CMIP: variants seen among roughly 807,000 people sequenced by gnomAD.
CMIP encodes c-Maf inducing protein.
Under a neutral mutation model 97.3 loss-of-function variants are expected in CMIP, and 13 were observed. The ratio of observed to expected loss-of-function variants is 0.13; its 90% CI spans 0.09 to 0.21. The LOEUF (loss-of-function observed/expected upper bound fraction) is 0.21. Among genes scored for constraint, CMIP ranks in the 10% least tolerant of loss-of-function variants. The probability of loss-of-function intolerance (pLI) is 1.00; values close to 1 mark genes in which losing one functional copy is unlikely to be tolerated. For synonymous variants in CMIP, 538 were observed against 436.3 expected (o/e 1.23, Z -2.91); for missense variants, 847 against 1,024.9 (o/e 0.83, Z 2.37).
chr16:81,636,132 A>G (rs992138649), intron 3 of CMIP, among the ~76,000 whole-genome samples: 1 of 152,002 alleles, frequency 6.6e-6, no homozygotes, highest in Non-Finnish European at 1.5e-5. Flanking sequence ...GCACCATGAT[A>G]CAGGTGTGCG....
intron 3 of CMIP, among the ~76,000 whole-genome samples, chr16:81,625,740 G>A (rs537281876): frequency 3.9e-5 from 6 of 152,338 alleles, no homozygotes; most frequent in East Asian, 1.9e-4. Flanking sequence ...CAGGCTCCTA[G>A]AGGAGCCCCG....
chr16:81,647,620 G>A (rs1204613790), intron 3 of CMIP, among the ~76,000 whole-genome samples: 1 of 152,022 alleles, frequency 6.6e-6, no homozygotes. Flanking sequence ...CTGGCAAAGC[G>A]CACTCAGCAG....
chr16:81,541,623 A>T (rs1316978222), intron 1 of CMIP, among the ~76,000 whole-genome samples: 1 of 152,228 alleles, frequency 6.6e-6, no homozygotes, highest in East Asian at 1.9e-4. Context: ...GTGAAGAGAG[A>T]ACGGCTGTCT....
At chr16:81,524,434 G>C (rs2090088629) in intron 1 of CMIP, among the ~76,000 whole-genome samples, 1 of 152,218 alleles carries the variant, frequency 6.6e-6, no homozygotes, top group South Asian at 2.1e-4. Flanking sequence ...AGGTGACCTT[G>C]GGTGAGTTAA....
At chr16:81,594,780 ATT>A (rs570057427) in intron 1 of CMIP, among the ~76,000 whole-genome samples, 7,274 of 114,830 alleles carry the variant, frequency 0.063, 166 homozygotes, top group East Asian at 0.27. Context: ...CGCCCAGCTA[ATT>A]TTTTTTTTTT....
intron 10 of CMIP, among the ~76,000 whole-genome samples, chr16:81,681,436 T>C (rs765322909): frequency 6.6e-6 from 1 of 152,160 alleles, no homozygotes; most frequent in Non-Finnish European, 1.5e-5. Context: ...CCTTGGACGG[T>C]TGGTCATCCT....
At chr16:81,529,726 A>C (rs2925987) in intron 1 of CMIP, among the ~76,000 whole-genome samples, 114,979 of 152,028 alleles carry the variant, frequency 0.76, 43,723 homozygotes, top group African/African-American at 0.8. Context: ...GGCAGAGAGC[A>C]GCCTTGCAAT....
intron 18 of CMIP, among the ~76,000 whole-genome samples, chr16:81,704,920 CG>C: frequency 6.6e-6 from 1 of 151,524 alleles, no homozygotes; most frequent in South Asian, 2.1e-4. Flanking sequence ...AGAGCTGAGA[CG>C]TGAGCCAGGC....
chr16:81,622,092 A>G (rs145892732), intron 3 of CMIP: 1 of 152,324 alleles, frequency 6.6e-6, no homozygotes, highest in Non-Finnish European at 1.5e-5. Context: ...TAGTCTCATC[A>G]TGTCCATTTC....
At chr16:81,467,941 C>T (rs1298400923) in intron 1 of CMIP, among the ~76,000 whole-genome samples, 1 of 143,966 alleles carries the variant, frequency 6.9e-6, no homozygotes, top group South Asian at 2.2e-4. Context: ...GGCTGGAGTA[C>T]GGTGATGAAA....
At chr16:81,666,617 G>A (rs746429025) in intron 7 of CMIP, 1 of 152,064 alleles carries the variant, frequency 6.6e-6, no homozygotes, top group South Asian at 2.1e-4. Flanking sequence ...ATGAGTCCTC[G>A]CCTCACTTGT....
chr16:81,530,994 G>C (rs938204130), intron 1 of CMIP, among the ~76,000 whole-genome samples: 2 of 152,140 alleles, frequency 1.3e-5, no homozygotes, highest in Admixed American at 1.3e-4. Context: ...TTCTGGGATC[G>C]TCATTGTTAT....
rs2091925919 is a variant in CMIP at position 81,616,884 on chromosome 16, A to G, written c.427-3992A>G. Among the ~76,000 whole-genome samples, 1 of 152,188 alleles carries G rather than the reference A, an allele frequency of 6.6e-6. No individual in the cohort carries two copies. The highest frequency in any genetic ancestry group is 2.4e-5 in the African/African-American group (1 of 41,446). ...AGAGGCAGGCTACGAGGACCCAGCT[A>G]AGACTGGAGGCTCCTGCAGCTCAGC... On this transcript the variant is annotated intron_variant, in intron 2 of 20. Transcript: ENST00000537098. The surrounding 1 kb of genome is among the most constrained non-coding windows in gnomAD (Gnocchi z 4.7).
At chr16:81,450,540 C>A (rs1394711977) in intron 1 of CMIP, among the ~76,000 whole-genome samples, 1 of 152,136 alleles carries the variant, frequency 6.6e-6, no homozygotes. Context: ...ATTCCAATTC[C>A]TGTTTTGCTA....
chr16:81,628,137 G>A (rs887189367), intron 3 of CMIP, among the ~76,000 whole-genome samples: 3 of 152,148 alleles, frequency 2.0e-5, no homozygotes, highest in Admixed American at 2.0e-4. Flanking sequence ...GAAATCCTGA[G>A]GCTCTGGACC....
At chr16:81,504,232 A>T (rs559801302) in intron 1 of CMIP, among the ~76,000 whole-genome samples, 2 of 152,172 alleles carry the variant, frequency 1.3e-5, no homozygotes, top group African/African-American at 4.8e-5. Context: ...AGGCTGAGGC[A>T]GGAGAATCGC....
At chr16:81,538,642 G>T (rs868076621) in intron 1 of CMIP, among the ~76,000 whole-genome samples, 4 of 152,200 alleles carry the variant, frequency 2.6e-5, no homozygotes, top group Non-Finnish European at 5.9e-5. Flanking sequence ...GTAATTTTGG[G>T]GTGGTGATCT....
intron 1 of CMIP, among the ~76,000 whole-genome samples, chr16:81,499,599 G>A (rs1459180128): frequency 1.3e-5 from 2 of 152,290 alleles, no homozygotes; most frequent in African/African-American, 4.8e-5. Flanking sequence ...CCCAGGACAC[G>A]TGCCCCCATC....
At chr16:81,568,223 C>G (rs924965011) in intron 1 of CMIP, among the ~76,000 whole-genome samples, 1 of 152,012 alleles carries the variant, frequency 6.6e-6, no homozygotes. Flanking sequence ...CATTGCAACT[C>G]CAGGGGGAGA....
Sources: gnomAD v4.1 joint callset for allele counts (sites outside exome capture counted in the v4.1 genomes callset) on GRCh38, gnomAD v4.1.1 for gene constraint, Gnocchi (gnomAD v3.1) non-coding constraint, MANE v1.5 for transcripts, NCBI Gene and HGNC (gene_info 2026-07-23, HGNC 2026-07-21) for gene names.